The following PLEKHA2 variants were observed in gnomAD, a reference collection of about 807,000 sequenced individuals.
The protein encoded by PLEKHA2 is pleckstrin homology domain-containing family A member 2.
In PLEKHA2, 28 loss-of-function variants were observed where a neutral mutation model predicts 53.2. The ratio of observed to expected loss-of-function variants is 0.53; its 90% CI spans 0.39 to 0.72. PLEKHA2 has a LOEUF of 0.72. Ranked by LOEUF, PLEKHA2 falls within the 30% of genes least tolerant of loss-of-function variation. The pLI is 0.00. For synonymous variants in PLEKHA2, 193 were observed against 196.4 expected (o/e 0.98, Z 0.14); for missense variants, 426 against 537.9 (o/e 0.79, Z 2.06).
chr8:38,941,382 A>G (rs560650164), intron 3 of PLEKHA2, among the ~76,000 whole-genome samples: 2 of 152,320 alleles, frequency 1.3e-5, no homozygotes, highest in Admixed American at 6.5e-5. Context: ...CAAATGAAAA[A>G]CTTTTTAATG....
chr8:38,950,878 C>T lies in PLEKHA2; in HGVS notation c.374C>T (p.Thr125Ile). Residue 125 changes from threonine (T) to isoleucine (I), a missense_variant, in exon 6 of 12, where the codon ACC becomes ATC. Physicochemically the swap from Thr to Ile is moderately conservative, Grantham distance 89. Transcript: ENST00000617275. ...CCCAAAGGTGGGGGCCTACCCATGACCACTGAAGTTCTCAAGAGCTTAGCA... is the reference window on the plus strand; with the variant it reads ...CCCAAAGGTGGGGGCCTACCCATGATCACTGAAGTTCTCAAGAGCTTAGCA... The part of the protein sequence containing the change: ...TVPKGGGLPM[T>I]TEVLKSLAAP... 1 of 1,613,946 alleles carries T rather than the reference C, an allele frequency of 6.2e-7. No homozygotes were observed. The highest frequency in any genetic ancestry group is 8.5e-7 in the Non-Finnish European group (1 of 1,179,854).
At chr8:38,949,980 A>G (rs755663803) in intron 5 of PLEKHA2, among the ~76,000 whole-genome samples, 2 of 152,132 alleles carry the variant, frequency 1.3e-5, no homozygotes, top group African/African-American at 2.4e-5. Context: ...ATGCATTTTT[A>G]CCTGTTCAAT....
At chr8:38,966,265 T>C (rs1017358983) in intron 10 of PLEKHA2, among the ~76,000 whole-genome samples, 1 of 150,608 alleles carries the variant, frequency 6.6e-6, no homozygotes, top group African/African-American at 2.4e-5. Context: ...TTTTACTGTC[T>C]TTTCCTGATA....
intron 2 of PLEKHA2, among the ~76,000 whole-genome samples, chr8:38,920,688 G>A (rs1047854709): frequency 4.0e-5 from 6 of 151,266 alleles, no homozygotes; most frequent in Non-Finnish European, 7.4e-5. Flanking sequence ...AGCCTCCCAT[G>A]TAGCTGGGAC....
chr8:38,931,411 C>G (rs773120100), intron 2 of PLEKHA2, among the ~76,000 whole-genome samples: 1 of 152,214 alleles, frequency 6.6e-6, no homozygotes, highest in Non-Finnish European at 1.5e-5. Flanking sequence ...CAGTCCCTCT[C>G]CCTATGGCCC....
intron 9 of PLEKHA2, among the ~76,000 whole-genome samples, chr8:38,956,430 T>C (rs1178646977): frequency 6.6e-6 from 1 of 152,124 alleles, no homozygotes; most frequent in African/African-American, 2.4e-5. Context: ...ATGGGGCTGC[T>C]GTGAGGGTGG....
intron 2 of PLEKHA2, among the ~76,000 whole-genome samples, chr8:38,926,714 G>A (rs1057489596): frequency 7.9e-5 from 12 of 152,362 alleles, no homozygotes; most frequent in Non-Finnish European, 1.8e-4. Context: ...GCGATCACCT[G>A]CGGTCAGGAG....
intron 2 of PLEKHA2, among the ~76,000 whole-genome samples, chr8:38,927,235 A>C (rs1330914466): frequency 6.6e-6 from 1 of 152,188 alleles, no homozygotes; most frequent in East Asian, 1.9e-4. Context: ...ATGACCAGAC[A>C]TGGTGGCTCA....
intron 1 of PLEKHA2, among the ~76,000 whole-genome samples, chr8:38,911,973 C>T (rs1001574424): frequency 1.3e-4 from 20 of 149,038 alleles, no homozygotes; most frequent in Non-Finnish European, 1.9e-4. Context: ...GTGACCAGGT[C>T]TCTAAAAAAT....
chr8:38,924,799 C>T (rs952261626), intron 2 of PLEKHA2, among the ~76,000 whole-genome samples: 3 of 152,262 alleles, frequency 2.0e-5, no homozygotes, highest in South Asian at 2.1e-4. Flanking sequence ...GTGGGCCAGG[C>T]GCAGCCTTGA....
rs150722357 is a variant in PLEKHA2 at position 38,969,941 on chromosome 8, CTGTGTGTGTG to C, written c.*186_*195del. 173 of 697,808 alleles carry C rather than the reference CTGTGTGTGTG, an allele frequency of 2.5e-4. No individual in the cohort carries two copies. Among genetic ancestry groups the C allele is most frequent in the Middle Eastern group, 1.2e-3 (3 of 2,480 alleles). 43.2% of individuals were successfully genotyped at this position (697,808 alleles called of 1,614,324 possible). A position where few individuals can be genotyped will look rare whatever the true frequency, so the allele number is the denominator to read the frequency against. ...GGAGGGAGGGGCCCATCCAGCTGGG[CTGTGTGTGTG>C]TGTGTGTGTGTGTGTGTGTGTGTGT... is the stretch of plus-strand genomic sequence containing the variant. On this transcript the variant is annotated 3_prime_UTR_variant, in exon 12 of 12. Coordinates refer to ENST00000617275, the MANE Select transcript of PLEKHA2 (RefSeq NM_021623.2).
At chr8:38,966,644 C>T (rs901620123) in intron 10 of PLEKHA2, among the ~76,000 whole-genome samples, 2 of 152,196 alleles carry the variant, frequency 1.3e-5, no homozygotes, top group Non-Finnish European at 2.9e-5. Flanking sequence ...CATAGAGCCG[C>T]TGCTGCCCCC....
rs982323315 is a variant in PLEKHA2, at chr8:38,971,057, T to G, written c.*1274T>G. 2 of 152,242 alleles carry G rather than the reference T, an allele frequency of 1.3e-5. No individual in the cohort carries two copies. The highest frequency in any genetic ancestry group is 4.8e-5 in the African/African-American group (2 of 41,462). The allele number at this position is 152,242 out of a possible 1,614,324, so 9.4% of individuals were successfully genotyped here. A position where few individuals can be genotyped will look rare whatever the true frequency, so the allele number is the denominator to read the frequency against. On this transcript the variant is annotated 3_prime_UTR_variant, in exon 12 of 12. Coordinates refer to ENST00000617275, the MANE Select transcript of PLEKHA2 (RefSeq NM_021623.2). Reference sequence around the variant, plus strand: ...AGAGACTAAGAGAACTATTTTTACCTGAGTAAATGCTCTCCTCTTCTTGTG... The same window carrying G: ...AGAGACTAAGAGAACTATTTTTACCGGAGTAAATGCTCTCCTCTTCTTGTG...
intron 6 of PLEKHA2, among the ~76,000 whole-genome samples, chr8:38,951,478 T>G (rs1284379209): frequency 3.5e-5 from 5 of 142,056 alleles, no homozygotes; most frequent in Non-Finnish European, 7.7e-5. Context: ...AGTTTTTTTT[T>G]TTTTTTTTTT....
rs1456124990 is a variant in PLEKHA2, at chr8:38,971,765, A to C, written c.*1982A>C. The C allele has an allele frequency of 6.6e-6, 1 of 152,116 alleles. No homozygotes were observed. Among genetic ancestry groups the C allele is most frequent in the Non-Finnish European group, 1.5e-5 (1 of 68,024 alleles). The allele number at this position is 152,116 out of a possible 1,614,324, so 9.4% of individuals were successfully genotyped here. A position where few individuals can be genotyped will look rare whatever the true frequency, so the allele number is the denominator to read the frequency against. On this transcript the variant is annotated 3_prime_UTR_variant, in exon 12 of 12. Coordinates refer to ENST00000617275, the MANE Select transcript of PLEKHA2 (RefSeq NM_021623.2). ...GGTCAGGAGATCGAGACCGCGGTGA[A>C]ACCCCGTCTCTACTAAAAATACGAA...
At chr8:38,908,165 C>T (rs1833906121) in intron 1 of PLEKHA2, among the ~76,000 whole-genome samples, 1 of 152,166 alleles carries the variant, frequency 6.6e-6, no homozygotes, top group South Asian at 2.1e-4. Context: ...ATAGCAGCAT[C>T]GACTTGGGAC....
intron 1 of PLEKHA2, among the ~76,000 whole-genome samples, chr8:38,907,075 C>T (rs537976218): frequency 7.1e-4 from 108 of 152,326 alleles, no homozygotes; most frequent in Non-Finnish European, 1.2e-4. Context: ...CAGCTTCTGC[C>T]CTGGTAGGGG....
At position 38,969,951 on chromosome 8, in the gene PLEKHA2, G is replaced by GTGTC; in HGVS notation, c.*171_*172insCTGT. On this transcript the variant is annotated 3_prime_UTR_variant, in exon 12 of 12. Transcript: ENST00000617275. The stretch of plus-strand genomic sequence containing the variant: ...GCCCATCCAGCTGGGCTGTGTGTGT[G>GTGTC]TGTGTGTGTGTGTGTGTGTGTGTGT... 1 of 707,908 alleles carries GTGTC rather than the reference G, an allele frequency of 1.4e-6. No homozygotes were observed. The highest frequency in any genetic ancestry group is 2.3e-6 in the Non-Finnish European group (1 of 441,202). The allele number at this position is 707,908 out of a possible 1,614,324, so 43.9% of individuals were successfully genotyped here.
chr8:38,928,789 A>G (rs1834334689), intron 2 of PLEKHA2, among the ~76,000 whole-genome samples: 1 of 152,172 alleles, frequency 6.6e-6, no homozygotes, highest in African/African-American at 2.4e-5. Context: ...GAACTGGAGA[A>G]TGGGGAGAGT....
Sources: allele counts gnomAD v4.1 joint callset (sites outside exome capture counted in the v4.1 genomes callset), GRCh38; gene constraint gnomAD v4.1.1; transcripts MANE v1.5; gene names NCBI Gene and HGNC (gene_info 2026-07-23, HGNC 2026-07-21).